Variants in TEX9 observed in about 807,000 individuals in gnomAD.
TEX9 encodes testis expressed 9.
In TEX9, 74 loss-of-function variants were observed where a neutral mutation model predicts 59.6. The ratio of observed to expected loss-of-function variants is 1.24; its 90% confidence interval spans 1.03 to 1.51. TEX9 has a LOEUF of 1.51. Ranked by LOEUF, TEX9 falls within the 40% of genes most tolerant of loss-of-function variation. The pLI, the probability that TEX9 is intolerant of heterozygous loss-of-function variation, is 0.00. For missense variants in TEX9, 522 were observed against 447.8 expected, an observed-to-expected ratio of 1.17 and a Z score of -1.49; for synonymous variants, 186 against 152.2, an observed-to-expected ratio of 1.22 and a Z score of -1.64.
chr15:56,434,308 C>G, intron 12 of TEX9: 1 of 1,613,890 alleles, frequency 6.2e-7, no homozygotes, highest in Non-Finnish European at 8.5e-7. Context: ...TCTTTTGCAG[C>G]CTGTAGCACT....
chr15:56,275,888 C>G (rs191638347), intron 1 of TEX9, among the ~76,000 whole-genome samples: 37 of 152,086 alleles, frequency 2.4e-4, no homozygotes, highest in Admixed American at 1.0e-3. Context: ...CAAAGAGGTT[C>G]TAACTGAGTA....
intron 1 of TEX9, among the ~76,000 whole-genome samples, chr15:56,346,119 C>T (rs2046465246): frequency 1.3e-5 from 2 of 152,132 alleles, no homozygotes. Context: ...GAGATCTAAC[C>T]AACCACAATA....
intron 1 of TEX9, among the ~76,000 whole-genome samples, chr15:56,274,175 C>T (rs1339078244): frequency 1.3e-5 from 2 of 151,662 alleles, no homozygotes; most frequent in African/African-American, 2.4e-5. Flanking sequence ...TTTTTATTTA[C>T]CCACCTTTTT....
chr15:56,325,832 A>C (rs2046008996), intron 1 of TEX9, among the ~76,000 whole-genome samples: 1 of 152,200 alleles, frequency 6.6e-6, no homozygotes, highest in Non-Finnish European at 1.5e-5. Context: ...TTTTTTGACC[A>C]AAATTTAGTG....
In TEX9 at chr15:56,357,836, A is replaced by G. The variant is rs564685183; in HGVS notation, c.-106-15605A>G. 1.4e-3 allele frequency among the ~76,000 whole-genome samples: 217 copies of G among 152,090 alleles called. 1 individual carries two copies. The highest frequency in any genetic ancestry group is 4.9e-3 in the African/African-American group (202 of 41,486). On this transcript the variant is annotated intron_variant, in intron 1 of 5. Transcript: ENST00000560827. ...CTGTCCCTTATTTCTATTTCTTTCT[A>G]AATAGATTTTCTCTATTTCACAGCT... is the stretch of plus-strand genomic sequence containing the variant.
intron 1 of TEX9, among the ~76,000 whole-genome samples, chr15:56,264,355 C>T (rs536090119): frequency 2.0e-5 from 3 of 152,254 alleles, no homozygotes; most frequent in Admixed American, 6.5e-5. Context: ...TTTTATGTCC[C>T]TATATGTCAT....
intron 9 of TEX9, among the ~76,000 whole-genome samples, chr15:56,408,172 T>C (rs1473326319): frequency 1.3e-5 from 2 of 152,206 alleles, no homozygotes; most frequent in Non-Finnish European, 2.9e-5. Context: ...TCTCTATACC[T>C]CATGTGCCAT....
At chr15:56,293,166 C>G (rs1344516074) in intron 1 of TEX9, among the ~76,000 whole-genome samples, 1 of 151,882 alleles carries the variant, frequency 6.6e-6, no homozygotes, top group Non-Finnish European at 1.5e-5. Context: ...GAGACCCCAT[C>G]TCTACAATAT....
At position 56,339,383 on chromosome 15, in the gene TEX9, C is replaced by CAAAAAAAAAAAAAAAA. The variant is rs71456382; in HGVS notation, c.-106-34042_-106-34027dup. Among the ~76,000 whole-genome samples the CAAAAAAAAAAAAAAAA allele has an allele frequency of 1.2e-3, 37 of 30,768 alleles. 5 individuals carry two copies. The highest frequency in any genetic ancestry group is 3.2e-3 in the African/African-American group (27 of 8,328). The allele number at this position is 30,768 out of a possible 152,430, so 20.2% of individuals were successfully genotyped here. ...GGGTGTCAGAGCAAGACTCCTTCTCCAAAAAAAAAAAAAAAAAAAAAAAAA... is the reference window on the plus strand; with the variant it reads ...GGGTGTCAGAGCAAGACTCCTTCTCCAAAAAAAAAAAAAAAAAAAAAAAAAAAAAAAAAAAAAAAAA... On this transcript the variant is annotated intron_variant, in intron 1 of 5. Transcript: ENST00000560827.
intron 1 of TEX9, among the ~76,000 whole-genome samples, chr15:56,259,680 CA>C (rs1483443093): frequency 6.6e-6 from 1 of 151,866 alleles, no homozygotes; most frequent in Non-Finnish European, 1.5e-5. Context: ...GTAAATCTTC[CA>C]ACAATTTATT....
At chr15:56,399,286 A>C (rs972087206) in intron 9 of TEX9, among the ~76,000 whole-genome samples, 1 of 152,230 alleles carries the variant, frequency 6.6e-6, no homozygotes, top group Non-Finnish European at 1.5e-5. Context: ...GGTCTTAGCA[A>C]CCGGCAGACA....
Position 56,334,739 on chromosome 15 carries a change from T to A in TEX9, c.-106-38702T>A, listed in dbSNP as rs77729362. 4.4e-3 allele frequency among the ~76,000 whole-genome samples: 670 copies of A among 152,212 alleles called. 12 individuals are homozygous for A. The highest frequency in any genetic ancestry group is 0.016 in the African/African-American group (654 of 41,516). The stretch of plus-strand genomic sequence containing the variant: ...CAACCCACAGGATGGGAGAAAATAT[T>A]TGCCAACTATCCATCTGACAAGCGA... On this transcript the variant is annotated intron_variant, in intron 1 of 5. Coordinates refer to the TEX9 transcript ENST00000560827.
intron 1 of TEX9, among the ~76,000 whole-genome samples, chr15:56,339,638 C>T (rs1052111785): frequency 1.3e-5 from 2 of 151,948 alleles, no homozygotes; most frequent in Non-Finnish European, 2.9e-5. Context: ...TAGTTAAGTT[C>T]GAGACATTAT....
In TEX9 at chr15:56,279,076, A is replaced by G. The variant is rs543500631; in HGVS notation, c.-107+34798A>G. 6.3e-4 allele frequency among the ~76,000 whole-genome samples: 96 copies of G among 152,290 alleles called. 1 individual carries two copies. The highest frequency in any genetic ancestry group is 2.1e-3 in the African/African-American group (88 of 41,568). ...TTGATATGACATTTTAAATTTACTC[A>G]CAACATACATACATATATATATTTT... On this transcript the variant is annotated intron_variant, in intron 1 of 5. Coordinates refer to the TEX9 transcript ENST00000560827.
At chr15:56,373,271 A>G (rs1324503279) in intron 2 of TEX9, among the ~76,000 whole-genome samples, 170 bp from the exon 3 acceptor site, 1 of 152,240 alleles carries the variant, frequency 6.6e-6, no homozygotes, top group Non-Finnish European at 1.5e-5. Flanking sequence ...AGGAGGAATC[A>G]TGGGGAGTTG....
At chr15:56,323,659 TGAAGAGGAGGAAGAG>T (rs1279829855) in intron 1 of TEX9, 1 of 141,364 alleles carries the variant, frequency 7.1e-6, no homozygotes, top group Non-Finnish European at 1.5e-5. Context: ...AGGAACAAGA[TGAAGAGGAGGAAGAG>T]GAAGAGGAAG....
chr15:56,246,897 A>G (rs577058014), intron 1 of TEX9, among the ~76,000 whole-genome samples: 10 of 152,302 alleles, frequency 6.6e-5, no homozygotes, highest in African/African-American at 2.4e-4. Context: ...AATGATGTAC[A>G]TCAGAGGGTT....
intron 1 of TEX9, among the ~76,000 whole-genome samples, chr15:56,281,063 G>A (rs1158718473): frequency 6.6e-6 from 1 of 152,062 alleles, no homozygotes; most frequent in Non-Finnish European, 1.5e-5. Flanking sequence ...TAGAAATCTT[G>A]TATTGAAGAG....
chr15:56,347,971 A>G (rs1327741540), intron 1 of TEX9, among the ~76,000 whole-genome samples: 1 of 152,050 alleles, frequency 6.6e-6, no homozygotes, highest in Non-Finnish European at 1.5e-5. Flanking sequence ...AGATTTCACT[A>G]AAGAAAATAG....
Sources: gnomAD v4.1 joint callset for allele counts (sites outside exome capture counted in the v4.1 genomes callset) on GRCh38, gnomAD v4.1.1 for gene constraint, MANE v1.5 for transcripts, NCBI Gene and HGNC (gene_info 2026-07-23, HGNC 2026-07-21) for gene names.